Variants in GFPT1 observed in about 807,000 individuals in gnomAD.
The protein encoded by GFPT1 is glutamine--fructose-6-phosphate transaminase 1, also known as glutamine--fructose-6-phosphate aminotransferase [isomerizing] 1.
GFPT1 carries 40 observed loss-of-function variants against 92.0 expected under a neutral mutation model. That is an observed-to-expected ratio of 0.43 (90% CI 0.34 to 0.57). The LOEUF is 0.57. Ranked by LOEUF, GFPT1 falls within the 20% of genes least tolerant of loss-of-function variation. The pLI is 0.02. For missense variants in GFPT1, 448 were observed against 869.1 expected (o/e 0.52, Z 6.09); for synonymous variants, 269 against 280.6 (o/e 0.96, Z 0.41).
intron 1 of GFPT1, among the ~76,000 whole-genome samples, chr2:69,379,352 T>C (rs1671952930): frequency 6.6e-6 from 1 of 152,220 alleles, no homozygotes; most frequent in East Asian, 1.9e-4. Context: ...AGGGAGACCC[T>C]GCCTCTACCA....
At chr2:69,386,190 T>C (rs1003151137) in intron 1 of GFPT1, among the ~76,000 whole-genome samples, 12 of 151,892 alleles carry the variant, frequency 7.9e-5, no homozygotes, top group Admixed American at 5.2e-4. Flanking sequence ...TCTCTTTCAC[T>C]AACACTTAGG....
chr2:69,328,306 A>G lies in GFPT1; in HGVS notation c.1858T>C (p.Cys620Arg). 1 of 1,613,974 alleles carries G rather than the reference A, an allele frequency of 6.2e-7. No individual in the cohort carries two copies. Among genetic ancestry groups the G allele is most frequent in the Non-Finnish European group, 8.5e-7 (1 of 1,179,884 alleles). ...ACCACTTGCTGAAGAGCATTCTGAC[A>G]CTTGGCATAAGTGTGATCTCTCATG... ...IIMRDHTYAK[C>R]QNALQQVVAR... Residue 620 changes from cysteine (C) to arginine (R), a missense_variant, in exon 18 of 20, where the codon TGT becomes CGT. Coordinates refer to ENST00000357308, the MANE Select transcript of GFPT1 (RefSeq NM_001244710.2).
In GFPT1 at chr2:69,324,311, G is replaced by A. The variant is rs1184608017; in HGVS notation, c.*1878C>T. ...CATATTAGTTTTAACTTAGAATGCT[G>A]AATCATACTTTAAACTATAAGAAAT... On this transcript the variant is annotated 3_prime_UTR_variant, in exon 20 of 20. Coordinates refer to ENST00000357308, the MANE Select transcript of GFPT1 (RefSeq NM_001244710.2). 1 of 152,056 alleles carries A rather than the reference G, an allele frequency of 6.6e-6. No homozygotes were observed. Among genetic ancestry groups the A allele is most frequent in the Non-Finnish European group, 1.5e-5 (1 of 68,008 alleles). The allele number at this position is 152,056 out of a possible 1,614,324, so 9.4% of individuals were successfully genotyped here. A position where few individuals can be genotyped will look rare whatever the true frequency, so the allele number is the denominator to read the frequency against.
chr2:69,359,025 T>C (rs1209863490), intron 5 of GFPT1, among the ~76,000 whole-genome samples: 2 of 152,266 alleles, frequency 1.3e-5, no homozygotes. Context: ...ATTCCAATTT[T>C]ATTTGAGCCT....
chr2:69,387,044 C>T, intron 1 of GFPT1, 21 bp downstream of exon 1: 1 of 1,524,602 alleles, frequency 6.6e-7, no homozygotes, highest in Non-Finnish European at 8.8e-7. Flanking sequence ...GCAACACGCC[C>T]CCCGCTCCCG....
At chr2:69,348,416 C>CA (rs1407778509) in intron 10 of GFPT1, 82 bp from the exon 11 acceptor site, 2 of 1,105,656 alleles carry the variant, frequency 1.8e-6, no homozygotes, top group Non-Finnish European at 2.8e-6. Context: ...ATACAAGAAC[C>CA]AAATTTCAAT....
intron 15 of GFPT1, 118 bp from the exon 16 acceptor site, chr2:69,329,916 A>G (rs1050746299): frequency 2.8e-5 from 20 of 724,380 alleles, no homozygotes; most frequent in South Asian, 2.5e-4. Context: ...TATATTCTCT[A>G]TCTCTTAAAA....
chr2:69,345,347 A>C (rs1671058220), intron 12 of GFPT1, among the ~76,000 whole-genome samples: 1 of 152,142 alleles, frequency 6.6e-6, no homozygotes, highest in Non-Finnish European at 1.5e-5. Context: ...TAACTGAAAG[A>C]CCTCTGGGGA....
At chr2:69,349,704 C>T (rs1207099719) in intron 10 of GFPT1, among the ~76,000 whole-genome samples, 2 of 152,238 alleles carry the variant, frequency 1.3e-5, no homozygotes, top group East Asian at 1.9e-4. Context: ...ACTAAAACTA[C>T]AATAGTTTAG....
chr2:69,375,634 A>T (rs753780010), intron 1 of GFPT1, among the ~76,000 whole-genome samples: 64 of 152,320 alleles, frequency 4.2e-4, no homozygotes, highest in African/African-American at 9.9e-4. Context: ...CATTCAGATT[A>T]AAAAAAGATA....
intron 11 of GFPT1, 110 bp from the exon 12 acceptor site, chr2:69,346,109 A>C: frequency 1.4e-6 from 1 of 714,126 alleles, no homozygotes; most frequent in Non-Finnish European, 2.5e-6. Context: ...ATATAACAAA[A>C]GTTCATGCAA....
chr2:69,349,207 T>G (rs544053320), intron 10 of GFPT1, among the ~76,000 whole-genome samples: 1 of 152,344 alleles, frequency 6.6e-6, no homozygotes, highest in South Asian at 2.1e-4. Context: ...TAAGGAAAAG[T>G]AATATTTTTA....
At chr2:69,337,856 CTA>C in intron 15 of GFPT1, 40 bp downstream of exon 15, 1 of 1,519,326 alleles carries the variant, frequency 6.6e-7, no homozygotes, top group South Asian at 1.1e-5. Flanking sequence ...TTCACTGACA[CTA>C]TGATTAAATA....
chr2:69,382,665 T>A (rs1672037474), intron 1 of GFPT1, among the ~76,000 whole-genome samples: 1 of 152,232 alleles, frequency 6.6e-6, no homozygotes, highest in Non-Finnish European at 1.5e-5. Context: ...TTCCTGGCAC[T>A]TCTATTTCCT....
intron 3 of GFPT1, among the ~76,000 whole-genome samples, chr2:69,364,999 A>AC (rs1671574637): frequency 1.4e-5 from 2 of 146,636 alleles, no homozygotes; most frequent in African/African-American, 5.2e-5. Context: ...CCTCTCAAAA[A>AC]AAAAAAAAAA....
intron 13 of GFPT1, among the ~76,000 whole-genome samples, chr2:69,339,666 C>T (rs1670888717): frequency 6.6e-6 from 1 of 152,158 alleles, no homozygotes; most frequent in African/African-American, 2.4e-5. Context: ...CTCAGCTTTC[C>T]TCCTTCTCAG....
chr2:69,356,560 AG>A lies in GFPT1; in HGVS notation c.544-4del, dbSNP rs1671343517. 2 of 1,610,292 alleles carry A rather than the reference AG, an allele frequency of 1.2e-6. No individual in the cohort carries two copies. Among genetic ancestry groups the A allele is most frequent in the Non-Finnish European group, 1.7e-6 (2 of 1,176,542 alleles). On this transcript the variant is annotated splice_region_variant and splice_polypyrimidine_tract_variant and intron_variant, in intron 6 of 19. Transcript: ENST00000357308. The stretch of plus-strand genomic sequence containing the variant: ...AACACAAGTGCAAAAGCACCTTCCT[AG>A]GGAGGGAAAAAAATCCATTAGCACT...
At chr2:69,367,410 G>C (rs1671637158) in intron 3 of GFPT1, among the ~76,000 whole-genome samples, 1 of 152,070 alleles carries the variant, frequency 6.6e-6, no homozygotes. Context: ...ACCCAGGCTG[G>C]AGTGCAGTGG....
At chr2:69,350,918 AAAAG>A (rs1671190400) in intron 9 of GFPT1, among the ~76,000 whole-genome samples, 1 of 152,004 alleles carries the variant, frequency 6.6e-6, no homozygotes, top group African/African-American at 2.4e-5. Flanking sequence ...AAAAAAAAAA[AAAAG>A]AAAAAGAAAA....
Sources: gnomAD v4.1 joint callset for allele counts (sites outside exome capture counted in the v4.1 genomes callset) on GRCh38, gnomAD v4.1.1 for gene constraint, MANE v1.5 for transcripts, NCBI Gene and HGNC (gene_info 2026-07-23, HGNC 2026-07-21) for gene names.